SCP2: variants seen among roughly 807,000 people sequenced by gnomAD.
The protein encoded by SCP2 is SCP-2/3-oxoacyl-CoA thiolase.
SCP2 carries 48 observed loss-of-function variants against 71.4 expected under a neutral mutation model. The observed-to-expected ratio is 0.67, with a 90% CI of 0.53 to 0.86. SCP2 has a LOEUF of 0.86. Ranked by LOEUF, SCP2 falls within the 40% of genes least tolerant of loss-of-function variation. SCP2 has a pLI of 0.00. For missense variants in SCP2, 560 were observed against 655.6 expected (o/e 0.85, Z 1.59); for synonymous variants, 220 against 218.1 (o/e 1.01, Z -0.08).
intron 3 of SCP2, among the ~76,000 whole-genome samples, chr1:52,948,617 T>TCC (rs1239089554): frequency 9.2e-6 from 1 of 109,156 alleles, no homozygotes; most frequent in African/African-American, 3.8e-5. Context: ...AGAGCAAGAC[T>TCC]CCATCTCAAA....
chr1:52,989,373 G>A (rs2150188716), intron 11 of SCP2, among the ~76,000 whole-genome samples: 2 of 152,260 alleles, frequency 1.3e-5, no homozygotes, highest in African/African-American at 4.8e-5. Flanking sequence ...AGTGGAGGTG[G>A]GGGGTGCTTA....
At chr1:53,044,508 A>C (rs768915841) in intron 14 of SCP2, among the ~76,000 whole-genome samples, 2 of 152,234 alleles carry the variant, frequency 1.3e-5, no homozygotes, top group Admixed American at 6.5e-5. Flanking sequence ...GGACCTGTGC[A>C]TATAGCAGTG....
At chr1:52,995,206 A>G in intron 11 of SCP2, 3 of 500,566 alleles carry the variant, frequency 6.0e-6, no homozygotes, top group Admixed American at 2.2e-5. Flanking sequence ...TTGCATCATG[A>G]ACACCCTCAG....
At chr1:52,981,035 G>T (rs1284124117) in intron 10 of SCP2, among the ~76,000 whole-genome samples, 4 of 151,880 alleles carry the variant, frequency 2.6e-5, no homozygotes, top group East Asian at 1.9e-4. Context: ...GGGTTCAAGT[G>T]ATTCTCCTGC....
intron 6 of SCP2, among the ~76,000 whole-genome samples, chr1:52,970,968 ATTTTTTTTTTT>A (rs1200663958): frequency 1.4e-5 from 1 of 70,976 alleles, no homozygotes; most frequent in Non-Finnish European, 2.4e-5. Context: ...AGAGACACAG[ATTTTTTTTTTT>A]TTTTTTTTTT....
intron 5 of SCP2, among the ~76,000 whole-genome samples, chr1:52,959,796 ATCTTCTCTCTT>A (rs1197019534): frequency 1.3e-5 from 2 of 151,518 alleles, no homozygotes; most frequent in African/African-American, 4.8e-5. Context: ...GGTAATTTTT[ATCTTCTCTCTT>A]TTTCCATGGT....
intron 10 of SCP2, among the ~76,000 whole-genome samples, chr1:52,987,388 A>T (rs1659094723): frequency 6.6e-6 from 1 of 152,202 alleles, no homozygotes; most frequent in African/African-American, 2.4e-5. Flanking sequence ...GAGCGTCCAC[A>T]TCTTATTACT....
intron 4 of SCP2, among the ~76,000 whole-genome samples, chr1:52,953,993 CA>C (rs1373841605): frequency 1.4e-5 from 2 of 142,726 alleles, no homozygotes; most frequent in African/African-American, 5.3e-5. Flanking sequence ...AAAAAAAAAA[CA>C]AAAAAAACAA....
intron 11 of SCP2, chr1:52,994,637 G>T (rs1185081922): frequency 8.8e-6 from 4 of 457,076 alleles, no homozygotes; most frequent in Middle Eastern, 7.2e-4. Flanking sequence ...CATCCTTTCA[G>T]CCTGCAACTA....
chr1:52,942,997 C>T (rs1259069184), intron 2 of SCP2, among the ~76,000 whole-genome samples: 6 of 152,096 alleles, frequency 3.9e-5, no homozygotes, highest in African/African-American at 7.2e-5. Flanking sequence ...CCACTGCGCC[C>T]AGCCTAACGG....
intron 11 of SCP2, among the ~76,000 whole-genome samples, chr1:52,998,693 G>A (rs547492286): frequency 6.6e-6 from 1 of 152,252 alleles, no homozygotes; most frequent in East Asian, 1.9e-4. Flanking sequence ...TGTGTCAAAG[G>A]GTAGTATACA....
At chr1:52,997,446 T>A (rs1660013295) in intron 11 of SCP2, among the ~76,000 whole-genome samples, 1 of 152,184 alleles carries the variant, frequency 6.6e-6, no homozygotes, top group African/African-American at 2.4e-5. Flanking sequence ...AGCCACTGTG[T>A]CCGGCCAAAA....
rs576972379 is a variant in SCP2 at position 52,998,905 on chromosome 1, C to A, written c.1081+10769C>A. Among the ~76,000 whole-genome samples the A allele has an allele frequency of 1.6e-4, 25 of 152,202 alleles. No homozygotes were observed. In the South Asian group the frequency reaches 4.8e-3, roughly 29 times the overall value. ...GTACTGAACAGGTAACCTAAAACAC[C>A]CCAGGAAGATAGAATTTACTCAATT... On this transcript the variant is annotated intron_variant, in intron 11 of 15. Coordinates refer to ENST00000371514, the MANE Select transcript of SCP2 (RefSeq NM_002979.5).
intron 6 of SCP2, among the ~76,000 whole-genome samples, chr1:52,962,103 A>T (rs1336356144): frequency 2.0e-5 from 3 of 152,062 alleles, no homozygotes; most frequent in African/African-American, 7.2e-5. Flanking sequence ...GCTTTTTGCC[A>T]TGTTGCCCAG....
chr1:52,963,460 T>C (rs1219602937), intron 6 of SCP2, among the ~76,000 whole-genome samples: 2 of 152,168 alleles, frequency 1.3e-5, no homozygotes, highest in Non-Finnish European at 2.9e-5. Context: ...TCCATATGTA[T>C]GTTATCTTAT....
rs1309542814 is a variant in SCP2 at position 53,051,670 on chromosome 1, G to C, written c.*966G>C. 1 of 152,158 alleles carries C rather than the reference G, an allele frequency of 6.6e-6. No individual in the cohort carries two copies. Among genetic ancestry groups the C allele is most frequent in the Non-Finnish European group, 1.5e-5 (1 of 68,030 alleles). 9.4% of individuals were successfully genotyped at this position (152,158 alleles called of 1,614,324 possible). On this transcript the variant is annotated 3_prime_UTR_variant, in exon 16 of 16. Coordinates refer to ENST00000371514, the MANE Select transcript of SCP2 (RefSeq NM_002979.5). ...GGCTCTCTAGATAATGCAGAATAAA[G>C]AGAAACGTTGGGGGATTTATAAACT...
At chr1:53,029,920 G>A (rs562344019) in intron 13 of SCP2, among the ~76,000 whole-genome samples, 2 of 150,214 alleles carry the variant, frequency 1.3e-5, no homozygotes, top group African/African-American at 4.9e-5. Context: ...ACAAAGTCTC[G>A]CTCTGTCACC....
intron 12 of SCP2, among the ~76,000 whole-genome samples, chr1:53,017,572 G>A (rs1437887870): frequency 1.3e-5 from 2 of 152,314 alleles, no homozygotes; most frequent in East Asian, 3.9e-4. Flanking sequence ...TTGTATGGAA[G>A]TGTTAGTTGC....
At chr1:53,031,723 A>G (rs1275844748) in intron 13 of SCP2, among the ~76,000 whole-genome samples, 1 of 152,090 alleles carries the variant, frequency 6.6e-6, no homozygotes, top group Non-Finnish European at 1.5e-5. Flanking sequence ...TCTCACTCCC[A>G]CTTCAATTGA....
Sources: gnomAD v4.1 joint callset for allele counts (sites outside exome capture counted in the v4.1 genomes callset) on GRCh38, gnomAD v4.1.1 for gene constraint, MANE v1.5 for transcripts, NCBI Gene and HGNC (gene_info 2026-07-23, HGNC 2026-07-21) for gene names.